Variants in HTR3D observed in about 807,000 individuals in gnomAD.
HTR3D encodes the protein 5-hydroxytryptamine (serotonin) receptor 3 family member D.
In HTR3D, 47 loss-of-function variants were observed where a neutral mutation model predicts 45.8. That is an observed-to-expected ratio of 1.03 (90% CI 0.81 to 1.31). The LOEUF is 1.31. Among genes scored for constraint, HTR3D ranks in the 50% most tolerant of loss-of-function variants. HTR3D has a pLI of 0.00. For synonymous variants in HTR3D, 203 were observed against 199.8 expected (o/e 1.02, Z -0.13); for missense variants, 448 against 506.9 (o/e 0.88, Z 1.12).
chr3:184,037,290 C>T (rs991827833), intron 5 of HTR3D, among the ~76,000 whole-genome samples: 21 of 152,136 alleles, frequency 1.4e-4, no homozygotes, highest in Admixed American at 3.3e-4. Context: ...CTGCCTGCCT[C>T]GGCCTCCCAA....
intron 1 of HTR3D, 114 bp from the exon 2 acceptor site, chr3:184,035,064 G>A: frequency 6.6e-7 from 1 of 1,524,548 alleles, no homozygotes; most frequent in Non-Finnish European, 8.8e-7. Context: ...CAGTGGCTTA[G>A]ATCAAAAATC....
At chr3:184,033,309 G>A (rs1258942047) in intron 1 of HTR3D, among the ~76,000 whole-genome samples, 1 of 151,838 alleles carries the variant, frequency 6.6e-6, no homozygotes, top group African/African-American at 2.4e-5. Context: ...CACCATGTTG[G>A]CCAGGCTGGT....
intron 2 of HTR3D, 140 bp downstream of exon 2, chr3:184,035,362 A>C: frequency 1.2e-6 from 1 of 803,808 alleles, no homozygotes; most frequent in South Asian, 1.7e-5. Flanking sequence ...AATAATGAAA[A>C]TACAAAACTT....
At chr3:184,032,965 A>G (rs1243307161) in intron 1 of HTR3D, 2 of 1,552,218 alleles carry the variant, frequency 1.3e-6, no homozygotes, top group South Asian at 1.2e-5. Flanking sequence ...CAGCCTTTCA[A>G]GCAGTGTTTG....
At chr3:184,036,160 T>C (rs1220599773) in intron 3 of HTR3D, 60 bp downstream of exon 3, 2 of 1,517,932 alleles carry the variant, frequency 1.3e-6, no homozygotes, top group East Asian at 2.5e-5. Flanking sequence ...GACACAATGT[T>C]ACCGATAAGG....
intron 1 of HTR3D, among the ~76,000 whole-genome samples, chr3:184,033,881 C>T (rs1722814937): frequency 6.6e-6 from 1 of 152,178 alleles, no homozygotes; most frequent in African/African-American, 2.4e-5. Context: ...TGTGCCACTG[C>T]ACTCTAGCCT....
rs758372815 is a variant in HTR3D, at chr3:184,038,970, A to G, written c.1210A>G (p.Thr404Ala). The change falls in exon 8 of 8, where the codon ACC (threonine) becomes GCC (alanine). Residue 404 changes from threonine to alanine, a missense_variant. By Grantham distance (58) the Thr-to-Ala change is moderately conservative. Transcript: ENST00000428798. The surrounding 1 kb of genome is among the most constrained non-coding windows in gnomAD (Gnocchi z 4.5). ...CATCACCGTCATATGCCTCTGGAAC[A>G]CCTAGGCAGGTGCTCACCTGCAAAC... ...SIITVICLWN[T>A] 1 of 1,613,954 alleles carries G rather than the reference A, an allele frequency of 6.2e-7. No homozygotes were observed. The highest frequency in any genetic ancestry group is 8.5e-7 in the Non-Finnish European group (1 of 1,179,950).
At chr3:184,036,177 A>G in intron 3 of HTR3D, 77 bp downstream of exon 3, 2 of 1,500,726 alleles carry the variant, frequency 1.3e-6, no homozygotes, top group Non-Finnish European at 8.9e-7. Flanking sequence ...AAGGCCACAC[A>G]AAGACTCAAC....
rs1272046223 is a variant in HTR3D at position 184,032,933 on chromosome 3, G to C, written c.66+1126G>C. 2 of 1,552,648 alleles carry C rather than the reference G, an allele frequency of 1.3e-6. No homozygotes were observed. Among genetic ancestry groups the C allele is most frequent in the African/African-American group, 2.7e-5 (2 of 73,178 alleles). ...TTTGATTATCAATTGCCCAGGCTTT[G>C]GCCAGCACAGGGTGGACCCTGCAGC... On this transcript the variant is annotated intron_variant, in intron 1 of 7. Transcript: ENST00000428798.
chr3:184,032,914 T>G, intron 1 of HTR3D: 1 of 1,552,584 alleles, frequency 6.4e-7, no homozygotes, highest in Non-Finnish European at 8.7e-7. Context: ...ACACTTTGAT[T>G]ATCAATTGCC....
At chr3:184,032,692 A>G (rs930111599) in intron 1 of HTR3D, 1 of 677,940 alleles carries the variant, frequency 1.5e-6, no homozygotes, top group Non-Finnish European at 2.6e-6. Context: ...CATGGGGACA[A>G]AACAATGGCA....
At position 184,035,442 on chromosome 3, in the gene HTR3D, T is replaced by C. The variant is rs142883400; in HGVS notation, c.111+220T>C. ...GAGAAGGTGGTATACACTAAGGCCATGGGAGTCAATACTTATGTGGCTCCA... is the reference window on the plus strand; with the variant it reads ...GAGAAGGTGGTATACACTAAGGCCACGGGAGTCAATACTTATGTGGCTCCA... On this transcript the variant is annotated intron_variant, in intron 2 of 7. Transcript: ENST00000428798. 1.9e-3 allele frequency among the ~76,000 whole-genome samples: 285 copies of C among 152,300 alleles called. 1 individual carries two copies. Among genetic ancestry groups the C allele is most frequent in the African/African-American group, 6.7e-3 (277 of 41,564 alleles).
At position 184,035,221 on chromosome 3, in the gene HTR3D, T is replaced by C; in HGVS notation, c.110T>C (p.Met37Thr). 2 of 1,552,182 alleles carry C rather than the reference T, an allele frequency of 1.3e-6. No homozygotes were observed. The highest frequency in any genetic ancestry group is 1.7e-6 in the Non-Finnish European group (2 of 1,147,054). The change falls in exon 2 of 8, where the codon ATG becomes ACG. Residue 37 changes from methionine to threonine, a missense_variant and splice_region_variant. Coordinates refer to ENST00000428798, the MANE Select transcript of HTR3D (RefSeq NM_001145143.1). ...QLVTSFLWLN[M>T]WNPDECGGIK... ...GTGACATCGTTCCTGTGGCTAAATA[T>C]GGTATGACAGACTCAGTTTCCCCTT...
rs1353353657 is a variant in HTR3D at position 184,035,942 on chromosome 3, C to T, written c.112-73C>T. 5 of 1,477,132 alleles carry T rather than the reference C, an allele frequency of 3.4e-6. No individual in the cohort carries two copies. The African/African-American group carries it at 5.6e-5, about 17-fold the overall frequency. The allele number at this position is 1,477,132 out of a possible 1,614,324, so 91.5% of individuals were successfully genotyped here. On this transcript the variant is annotated intron_variant, in intron 2 of 7. Transcript: ENST00000428798. The stretch of plus-strand genomic sequence containing the variant: ...TCCTGACCTTCAGTGATCCCCCCGC[C>T]TCAGCCTTCCAAAGTGCTGGGATTA...
upstream of HTR3D, chr3:184,031,740 A>G: frequency 6.5e-7 from 1 of 1,550,190 alleles, no homozygotes; most frequent in South Asian, 1.2e-5. Flanking sequence ...AAAGAGAGGA[A>G]GATGGAAAGA....
intron 5 of HTR3D, 139 bp downstream of exon 5, chr3:184,037,035 CTCT>C (rs1722926518): frequency 2.9e-6 from 2 of 693,292 alleles, no homozygotes; most frequent in Non-Finnish European, 4.4e-6. Flanking sequence ...GCCTTTGTCA[CTCT>C]TTTTTTTTTT....
In HTR3D at chr3:184,038,186, C is replaced by G. The variant is rs746223454; in HGVS notation, c.682C>G (p.Leu228Val). Residue 228 changes from leucine (L) to valine (V), a missense_variant, in exon 6 of 8, where the codon CTC (leucine) becomes GTC (valine). Physicochemically the swap from Leu to Val is conservative, Grantham distance 32 (BLOSUM62 1). Transcript: ENST00000428798. This position sits in a 1 kb window ranked among gnomAD's most constrained non-coding sequence, Gnocchi z 4.5. ...TVLLGYSVFL[L>V]MMNDLLPATS... Reference sequence around the variant, plus strand: ...TCTGCTGGGCTACAGCGTCTTCCTGCTCATGATGAATGACTTGCTCCCAGC... The same window carrying G: ...TCTGCTGGGCTACAGCGTCTTCCTGGTCATGATGAATGACTTGCTCCCAGC... 1.2e-6 allele frequency: 2 copies of G among 1,614,100 alleles called. No homozygotes were observed. Among genetic ancestry groups the G allele is most frequent in the Admixed American group, 1.7e-5 (1 of 60,004 alleles).
intron 1 of HTR3D, chr3:184,032,809 C>A: frequency 6.6e-7 from 1 of 1,515,908 alleles, no homozygotes; most frequent in Non-Finnish European, 9.0e-7. Context: ...ATGCTTCTCC[C>A]AGTGCCCCCT....
At chr3:184,035,994 T>C in intron 2 of HTR3D, 21 bp from the exon 3 acceptor site, 1 of 1,550,372 alleles carries the variant, frequency 6.5e-7, no homozygotes, top group Non-Finnish European at 8.7e-7. Flanking sequence ...TGCCCGGCCT[T>C]GGCACAATCA....
Sources: allele counts gnomAD v4.1 joint callset (sites outside exome capture counted in the v4.1 genomes callset), GRCh38; gene constraint gnomAD v4.1.1; non-coding constraint Gnocchi (gnomAD v3.1); transcripts MANE v1.5; gene names NCBI Gene and HGNC (gene_info 2026-07-23, HGNC 2026-07-21).